TRAPPC9: variants seen among roughly 807,000 people sequenced by gnomAD.
The protein encoded by TRAPPC9 is trafficking protein particle complex subunit 9.
In TRAPPC9, 83 loss-of-function variants were observed where a neutral mutation model predicts 124.0. The ratio of observed to expected loss-of-function variants is 0.67; its 90% confidence interval spans 0.56 to 0.80. The LOEUF (loss-of-function observed/expected upper bound fraction) is 0.80. Among genes scored for constraint, TRAPPC9 ranks in the 30% least tolerant of loss-of-function variants. The probability of loss-of-function intolerance (pLI) is 0.00; values close to 1 mark genes in which losing one functional copy is unlikely to be tolerated. For synonymous variants in TRAPPC9, 638 were observed against 617.5 expected, an observed-to-expected ratio of 1.03 and a Z score of -0.49; for missense variants, 1,302 against 1,508.3, an observed-to-expected ratio of 0.86 and a Z score of 2.27.
intron 19 of TRAPPC9, among the ~76,000 whole-genome samples, chr8:139,924,739 C>T (rs1832704702): frequency 6.6e-6 from 1 of 152,230 alleles, no homozygotes; most frequent in African/African-American, 2.4e-5. Context: ...TCATCAGCCA[C>T]GCTTGATGGC....
intron 19 of TRAPPC9, among the ~76,000 whole-genome samples, chr8:139,960,412 C>T (rs2665930): frequency 0.37 from 56,413 of 152,124 alleles, 11,765 homozygotes; most frequent in Non-Finnish European, 0.47. Context: ...CCCGACACCC[C>T]GTGTTCCAGA....
chr8:140,425,509 A>G (rs939054067), intron 5 of TRAPPC9, among the ~76,000 whole-genome samples: 2 of 152,184 alleles, frequency 1.3e-5, no homozygotes, highest in Non-Finnish European at 2.9e-5. Context: ...AAGCGTCGGA[A>G]ATCTTTTTAA....
chr8:140,310,616 A>G (rs2066271450), intron 10 of TRAPPC9, among the ~76,000 whole-genome samples: 1 of 152,188 alleles, frequency 6.6e-6, no homozygotes, highest in Non-Finnish European at 1.5e-5. Flanking sequence ...TAGGAGTGAC[A>G]GTCACACAGA....
chr8:139,764,790 G>A (rs1194120003), intron 21 of TRAPPC9, among the ~76,000 whole-genome samples: 4 of 152,180 alleles, frequency 2.6e-5, no homozygotes, highest in Non-Finnish European at 5.9e-5. Context: ...CTACCCCTGA[G>A]CTGCCCACTC....
intron 19 of TRAPPC9, among the ~76,000 whole-genome samples, chr8:139,938,022 T>C (rs921202180): frequency 6.6e-6 from 1 of 152,200 alleles, no homozygotes; most frequent in Non-Finnish European, 1.5e-5. Context: ...GAAAAATCTT[T>C]TGGGTGTCTG....
intron 17 of TRAPPC9, among the ~76,000 whole-genome samples, chr8:140,049,509 A>G: frequency 6.6e-6 from 1 of 151,526 alleles, no homozygotes; most frequent in African/African-American, 2.4e-5. Flanking sequence ...TGTTCTGCCC[A>G]CCTCTCATCA....
At chr8:140,414,815 C>T (rs1308239484) in intron 5 of TRAPPC9, among the ~76,000 whole-genome samples, 2 of 152,168 alleles carry the variant, frequency 1.3e-5, no homozygotes, top group East Asian at 3.9e-4. Flanking sequence ...GATCTTGGCT[C>T]ATTGCAACCT....
chr8:140,200,940 A>G (rs1325741601), intron 17 of TRAPPC9, among the ~76,000 whole-genome samples: 1 of 152,262 alleles, frequency 6.6e-6, no homozygotes, highest in East Asian at 1.9e-4. Flanking sequence ...CCATCTTTGC[A>G]GCTTTTCTGT....
intron 17 of TRAPPC9, among the ~76,000 whole-genome samples, chr8:140,118,716 C>T (rs2060933550): frequency 2.0e-5 from 3 of 152,138 alleles, no homozygotes; most frequent in South Asian, 2.1e-4. Flanking sequence ...GCTGAGACAG[C>T]TATGGGTGAG....
intron 6 of TRAPPC9, among the ~76,000 whole-genome samples, chr8:140,403,661 C>CT (rs112475588): frequency 4.5e-4 from 66 of 145,564 alleles, no homozygotes; most frequent in East Asian, 1.0e-3. Flanking sequence ...GAAAAGTATA[C>CT]TTTTTTTTTT....
intron 19 of TRAPPC9, among the ~76,000 whole-genome samples, chr8:139,972,525 C>A (rs1836169348): frequency 6.6e-6 from 1 of 152,196 alleles, no homozygotes; most frequent in Admixed American, 6.5e-5. Context: ...TTCCATCTGA[C>A]AGGCTACTTG....
rs1005623812 is a variant in TRAPPC9 at position 140,288,161 on chromosome 8, G to C, written c.1855-427C>G. Among the ~76,000 whole-genome samples, 7 of 152,292 alleles carry C rather than the reference G, an allele frequency of 4.6e-5. No individual in the cohort carries two copies. The South Asian group carries it at 1.5e-3, about 32-fold the overall frequency. ...GACCAAGACCAACCTGGGCAACACA[G>C]TAAGACCCCATCTCTACAAAAAAAA... is the stretch of plus-strand genomic sequence containing the variant. On this transcript the variant is annotated intron_variant, in intron 12 of 22. Coordinates refer to ENST00000438773, the MANE Select transcript of TRAPPC9 (RefSeq NM_001160372.4).
Position 140,380,004 on chromosome 8 carries a change from A to G in TRAPPC9, c.1135-8824T>C, listed in dbSNP as rs78288977. Among the ~76,000 whole-genome samples, 83 of 152,326 alleles carry G rather than the reference A, an allele frequency of 5.4e-4. No homozygotes were observed. The East Asian group carries it at 0.015, about 28-fold the overall frequency. On this transcript the variant is annotated intron_variant, in intron 7 of 22. Transcript: ENST00000438773. ...TGGATTGGAAGACAATATTGCTAAG[A>G]TGGTAAAACACCTCCAATGGATCTA...
chr8:140,335,026 G>A (rs2066998028), intron 9 of TRAPPC9, among the ~76,000 whole-genome samples: 1 of 152,112 alleles, frequency 6.6e-6, no homozygotes, highest in Non-Finnish European at 1.5e-5. Flanking sequence ...GATAGAAAAA[G>A]TATGCAATGA....
chr8:140,453,644 G>A (rs1042821192), intron 1 of TRAPPC9, among the ~76,000 whole-genome samples: 13 of 152,102 alleles, frequency 8.5e-5, no homozygotes, highest in African/African-American at 3.1e-4. Flanking sequence ...GGATCTAAAC[G>A]GTTCACAAGT....
intron 15 of TRAPPC9, among the ~76,000 whole-genome samples, chr8:140,271,209 G>A (rs184378603): frequency 1.8e-4 from 27 of 152,312 alleles, no homozygotes; most frequent in African/African-American, 6.5e-4. Context: ...TTATGCCAGA[G>A]AAGCACTTTC....
intron 18 of TRAPPC9, among the ~76,000 whole-genome samples, chr8:140,000,429 A>G (rs1484940608): frequency 7.9e-5 from 12 of 152,266 alleles, no homozygotes; most frequent in Non-Finnish European, 4.4e-5. Flanking sequence ...AGAAACTACC[A>G]TCAGAGTGAA....
At chr8:139,786,560 G>A (rs1475943322) in intron 21 of TRAPPC9, among the ~76,000 whole-genome samples, 1 of 151,926 alleles carries the variant, frequency 6.6e-6, no homozygotes, top group African/African-American at 2.4e-5. Context: ...CTCCTAGGCA[G>A]TTACTCCAAA....
chr8:140,086,388 C>T (rs745953687), intron 17 of TRAPPC9, among the ~76,000 whole-genome samples: 6 of 152,124 alleles, frequency 3.9e-5, no homozygotes, highest in Non-Finnish European at 7.4e-5. Context: ...TGAAATGACA[C>T]GTCTCTCCAC....
Sources: allele counts gnomAD v4.1 joint callset (sites outside exome capture counted in the v4.1 genomes callset), GRCh38; gene constraint gnomAD v4.1.1; transcripts MANE v1.5; gene names NCBI Gene and HGNC (gene_info 2026-07-23, HGNC 2026-07-21).